NDST3: variants seen among roughly 807,000 people sequenced by gnomAD.
The protein encoded by NDST3 is bifunctional heparan sulfate N-deacetylase/N-sulfotransferase 3.
A neutral mutation model predicts 96.1 loss-of-function variants in NDST3; 58 were observed. That is an observed-to-expected ratio of 0.60 (90% CI 0.49 to 0.75). The LOEUF (loss-of-function observed/expected upper bound fraction) is 0.75. Among genes scored for constraint, NDST3 ranks in the 30% least tolerant of loss-of-function variants. The pLI is 0.00. For synonymous variants in NDST3, 333 were observed against 359.7 expected (o/e 0.93, Z 0.84); for missense variants, 788 against 1,034.2 (o/e 0.76, Z 3.27).
In NDST3 at chr4:118,126,711, C is replaced by T. The variant is rs1256223324; in HGVS notation, c.1225-11343C>T. Among the ~76,000 whole-genome samples the T allele has an allele frequency of 1.3e-5, 2 of 151,854 alleles. 1 individual carries two copies. Among genetic ancestry groups the T allele is most frequent in the Non-Finnish European group, 2.9e-5 (2 of 67,916 alleles). On this transcript the variant is annotated intron_variant, in intron 4 of 13. Transcript: ENST00000296499. ...TCCTTTCTTTTGGGTATATACTCAG[C>T]AGTGGGATTGCTGGATCATATGGTA...
intron 2 of NDST3, among the ~76,000 whole-genome samples, chr4:118,086,342 G>C (rs1728415162): frequency 6.6e-6 from 1 of 152,148 alleles, no homozygotes; most frequent in South Asian, 2.1e-4. Context: ...TCTTTTCAAA[G>C]TTTGTCTTTC....
chr4:118,060,564 T>C (rs367645628), intron 2 of NDST3, among the ~76,000 whole-genome samples: 3 of 152,148 alleles, frequency 2.0e-5, no homozygotes, highest in South Asian at 2.1e-4. Flanking sequence ...GGATTATCAA[T>C]GTATATGGAT....
chr4:118,144,061 A>C (rs1733764597), intron 6 of NDST3, among the ~76,000 whole-genome samples: 1 of 152,140 alleles, frequency 6.6e-6, no homozygotes, highest in Non-Finnish European at 1.5e-5. Flanking sequence ...TTACTATTTA[A>C]AGTTAACGTA....
chr4:118,180,555 C>T (rs1736544904), intron 6 of NDST3, among the ~76,000 whole-genome samples: 1 of 152,046 alleles, frequency 6.6e-6, no homozygotes, highest in Non-Finnish European at 1.5e-5. Flanking sequence ...CACTAAATGC[C>T]AGGAAGTAAC....
chr4:118,043,494 T>C (rs1311918174), intron 1 of NDST3, among the ~76,000 whole-genome samples: 3 of 152,234 alleles, frequency 2.0e-5, no homozygotes, highest in Admixed American at 6.5e-5. Context: ...ACAAAGACCA[T>C]GTATACCCAC....
chr4:118,237,176 A>G lies in NDST3; in HGVS notation c.2074A>G (p.Thr692Ala). ...ASLVPKAKII[T>A]ILIDPSDRAY... The stretch of plus-strand genomic sequence containing the variant: ...TCTGGTTCCCAAAGCCAAGATTATC[A>G]CCATTCTCATTGACCCTTCAGACCG... Residue 692 changes from threonine to alanine, a missense_variant, in exon 10 of 14, where the codon ACC (threonine) becomes GCC (alanine). Thr to Ala is a moderately conservative substitution (Grantham distance 58). Coordinates refer to ENST00000296499, the MANE Select transcript of NDST3 (RefSeq NM_004784.3). The G allele has an allele frequency of 6.2e-7, 1 of 1,613,588 alleles. No homozygotes were observed. The highest frequency in any genetic ancestry group is 2.2e-5 in the East Asian group (1 of 44,834).
chr4:118,195,677 A>T (rs768479501), intron 6 of NDST3, among the ~76,000 whole-genome samples: 7 of 152,238 alleles, frequency 4.6e-5, no homozygotes, highest in Non-Finnish European at 1.0e-4. Flanking sequence ...GCATATACAA[A>T]TGCTACTGAT....
At chr4:118,179,146 G>T (rs145918521) in intron 6 of NDST3, among the ~76,000 whole-genome samples, 3 of 152,036 alleles carry the variant, frequency 2.0e-5, no homozygotes, top group Non-Finnish European at 4.4e-5. Context: ...AGACAAACCT[G>T]ACCTTTGCCC....
At chr4:118,113,188 C>T (rs1421163391) in intron 3 of NDST3, among the ~76,000 whole-genome samples, 1 of 152,116 alleles carries the variant, frequency 6.6e-6, no homozygotes, top group Non-Finnish European at 1.5e-5. Flanking sequence ...TTAAAGAGGT[C>T]ATGTGACTTG....
chr4:118,094,687 G>C (rs905141731), intron 2 of NDST3, among the ~76,000 whole-genome samples: 2 of 151,718 alleles, frequency 1.3e-5, no homozygotes, highest in African/African-American at 4.8e-5. Context: ...CATTCTTTCA[G>C]CAAGACTCTA....
At chr4:118,046,841 C>G (rs1724789348) in intron 1 of NDST3, among the ~76,000 whole-genome samples, 1 of 152,126 alleles carries the variant, frequency 6.6e-6, no homozygotes, top group Admixed American at 6.5e-5. Flanking sequence ...AGGGGGCATG[C>G]CTCCCTCCAC....
chr4:118,201,121 T>A (rs1176748962), intron 6 of NDST3, among the ~76,000 whole-genome samples: 1 of 152,216 alleles, frequency 6.6e-6, no homozygotes, highest in African/African-American at 2.4e-5. Context: ...ATGATTTCAT[T>A]TTTTTATAAC....
chr4:118,060,017 C>T (rs950365703), intron 2 of NDST3, among the ~76,000 whole-genome samples: 1 of 152,062 alleles, frequency 6.6e-6, no homozygotes, highest in Non-Finnish European at 1.5e-5. Flanking sequence ...TAACTGGATA[C>T]AGTATGCCTC....
intron 12 of NDST3, among the ~76,000 whole-genome samples, chr4:118,243,931 C>T (rs1578865980): frequency 6.6e-6 from 1 of 152,040 alleles, no homozygotes; most frequent in Non-Finnish European, 1.5e-5. Context: ...AACCGTAGTC[C>T]GTTTGCACCT....
In NDST3 at chr4:118,048,339, C is replaced by T. The variant is rs549344582; in HGVS notation, c.-155-5417C>T. ...ACAATCAAGTCTTCATAACAACCAG[C>T]TAACAACATGATGACAGGACCAAAA... is the stretch of plus-strand genomic sequence containing the variant. On this transcript the variant is annotated intron_variant, in intron 1 of 13. Transcript: ENST00000296499. 2.6e-5 allele frequency among the ~76,000 whole-genome samples: 4 copies of T among 152,042 alleles called. No individual in the cohort carries two copies. In the South Asian group the frequency reaches 8.3e-4, roughly 32 times the overall value.
Position 118,228,770 on chromosome 4 carries a change from C to T in NDST3, c.1819+1788C>T, listed in dbSNP as rs530847862. 3.9e-5 allele frequency among the ~76,000 whole-genome samples: 6 copies of T among 152,298 alleles called. No individual in the cohort carries two copies. In the South Asian group the frequency reaches 1.2e-3, roughly 32 times the overall value. ...CCCCGATCCCCACCACATCCCCAGC[C>T]ACAAGCAACTACTTTGTACCACTAC... On this transcript the variant is annotated intron_variant, in intron 8 of 13. Coordinates refer to ENST00000296499, the MANE Select transcript of NDST3 (RefSeq NM_004784.3).
chr4:118,114,083 C>A (rs773951478), intron 3 of NDST3, among the ~76,000 whole-genome samples: 7 of 151,654 alleles, frequency 4.6e-5, no homozygotes, highest in Non-Finnish European at 1.0e-4. Context: ...ACAGGGCTGA[C>A]CCTTAAGGAA....
In NDST3 at chr4:118,258,634, A is replaced by C. The variant is rs954191702; in HGVS notation, c.*2922A>C. ...CAACAATAAACTGATAGGAAAATGA[A>C]GAGTTTGGACCTGGTGATTTTAGGT... On this transcript the variant is annotated 3_prime_UTR_variant, in exon 14 of 14. Coordinates refer to ENST00000296499, the MANE Select transcript of NDST3 (RefSeq NM_004784.3). 2.0e-5 allele frequency: 3 copies of C among 152,168 alleles called. No homozygotes were observed. The highest frequency in any genetic ancestry group is 4.4e-5 in the Non-Finnish European group (3 of 68,032). The allele number at this position is 152,168 out of a possible 1,614,324, so 9.4% of individuals were successfully genotyped here. A position where few individuals can be genotyped will look rare whatever the true frequency, so the allele number is the denominator to read the frequency against.
chr4:118,198,741 T>A (rs768991696), intron 6 of NDST3, among the ~76,000 whole-genome samples: 12 of 151,726 alleles, frequency 7.9e-5, no homozygotes, highest in Non-Finnish European at 1.6e-4. Context: ...AAAAAAAGTC[T>A]GATGTTGATG....
Sources: allele counts gnomAD v4.1 joint callset (sites outside exome capture counted in the v4.1 genomes callset), GRCh38; gene constraint gnomAD v4.1.1; transcripts MANE v1.5; gene names NCBI Gene and HGNC (gene_info 2026-07-23, HGNC 2026-07-21).